INPP5E: variants seen among roughly 807,000 people sequenced by gnomAD.
INPP5E encodes the protein inositol polyphosphate-5-phosphatase E, also known as phosphatidylinositol polyphosphate 5-phosphatase type IV.
Under a neutral mutation model 50.5 loss-of-function variants are expected in INPP5E, and 34 were observed. The ratio of observed to expected loss-of-function variants is 0.67; its 90% CI spans 0.51 to 0.90. The LOEUF (loss-of-function observed/expected upper bound fraction) is 0.90, where lower values mean the gene tolerates loss of function less well. Ranked by LOEUF, INPP5E falls within the 40% of genes least tolerant of loss-of-function variation. INPP5E has a pLI of 0.00. For synonymous variants in INPP5E, 447 were observed against 406.0 expected (o/e 1.10, Z -1.21); for missense variants, 942 against 905.5 (o/e 1.04, Z -0.52).
chr9:136,429,504 C>A lies in INPP5E; in HGVS notation c.*171G>T. 2 of 862,700 alleles carry A rather than the reference C, an allele frequency of 2.3e-6. No individual in the cohort carries two copies. Among genetic ancestry groups the A allele is most frequent in the Non-Finnish European group, 3.9e-6 (2 of 516,796 alleles). 53.4% of individuals were successfully genotyped at this position (862,700 alleles called of 1,614,324 possible). A position where few individuals can be genotyped will look rare whatever the true frequency, so the allele number is the denominator to read the frequency against. On this transcript the variant is annotated 3_prime_UTR_variant, in exon 10 of 10. Transcript: ENST00000371712. ...CCACCCACACCGTGTGGACCTGCCA[C>A]AGAGGACAGGCTCGCTCAGGGTTGG...
intron 8 of INPP5E, 27 bp from the exon 9 acceptor site, chr9:136,430,440 G>A (rs1357414730): frequency 1.3e-6 from 2 of 1,552,750 alleles, no homozygotes; most frequent in South Asian, 1.2e-5. Context: ...GAGGCAGGAG[G>A]TCCAGTTACT....
chr9:136,432,332 G>A (rs977590127), intron 6 of INPP5E, 147 bp downstream of exon 6: 11 of 699,926 alleles, frequency 1.6e-5, no homozygotes, highest in African/African-American at 1.0e-4. Flanking sequence ...AAAGAACCGC[G>A]AGGGGCCATG....
chr9:136,434,089 C>T lies in INPP5E; in HGVS notation c.982G>A (p.Asp328Asn), dbSNP rs201857820. Residue 328 changes from aspartate (D) to asparagine (N), a missense_variant, in exon 3 of 10, where the codon GAC becomes AAC. Transcript: ENST00000371712. Reference protein sequence around the residue: ...LDEFLLPAEADYAQDLYVIGV... With the variant: ...LDEFLLPAEANYAQDLYVIGV... ...ATGACATACAGGTCCTGGGCATAGT[C>T]GGCCTCGGCTGGGAGCAGGAACTCG... 2.1e-5 allele frequency: 34 copies of T among 1,611,100 alleles called. No individual in the cohort carries two copies. The highest frequency in any genetic ancestry group is 4.5e-5 in the East Asian group (2 of 44,858).
In INPP5E at chr9:136,431,014, C is replaced by T. The variant is rs1474030166; in HGVS notation, c.1653G>A (p.Thr551=). 6 of 1,610,526 alleles carry T rather than the reference C, an allele frequency of 3.7e-6. No homozygotes were observed. Among genetic ancestry groups the T allele is most frequent in the Admixed American group, 1.7e-5 (1 of 59,954 alleles). Residue 551 remains threonine, a synonymous_variant, in exon 8 of 10, where the codon ACG becomes ACA. Transcript: ENST00000371712. ...DTYDSTSKQR[T]PSYTDRVLYR... ...GGGCAGGCCTCACCGTGTATGAGGG[C>T]GTCCTCTGCTTGGAGGTGCTGTCGT...
In INPP5E at chr9:136,439,143, T is replaced by C; in HGVS notation, c.277A>G (p.Arg93Gly). 6.3e-7 allele frequency: 1 copy of C among 1,580,936 alleles called. No individual in the cohort carries two copies. Among genetic ancestry groups the C allele is most frequent in the Non-Finnish European group, 8.6e-7 (1 of 1,167,938 alleles). ...ALSLDDKGWR[R>G]RRFRGSQEDL... ...TCCTGGCTGCCTCGAAAACGCCTCC[T>C]CCTCCAGCCCTTGTCGTCCAGGGAC... Residue 93 changes from arginine (R) to glycine (G), a missense_variant, in exon 1 of 10, where the codon AGG becomes GGG. Arg to Gly is a moderately radical substitution (Grantham distance 125, BLOSUM62 -2). Coordinates refer to ENST00000371712, the MANE Select transcript of INPP5E (RefSeq NM_019892.6).
At chr9:136,436,909 G>A (rs1037261432) in intron 1 of INPP5E, 3 of 152,368 alleles carry the variant, frequency 2.0e-5, no homozygotes, top group Middle Eastern at 3.4e-3. Context: ...GTCAACCCTC[G>A]TTTCCTGGTT....
At chr9:136,434,221 C>T in intron 2 of INPP5E, 87 bp from the exon 3 acceptor site, 1 of 890,544 alleles carries the variant, frequency 1.1e-6, no homozygotes, top group East Asian at 2.6e-5. Context: ...CCTTGAGTAC[C>T]AGCGACTCCT....
intron 4 of INPP5E, 26 bp downstream of exon 4, chr9:136,433,129 G>C (rs140797474): frequency 6.2e-7 from 1 of 1,608,606 alleles, no homozygotes; most frequent in Non-Finnish European, 8.5e-7. Flanking sequence ...CCTTCCAGCC[G>C]CGCCCACCCC....
chr9:136,439,273 C>A lies in INPP5E; in HGVS notation c.147G>T (p.Ala49=). Residue 49 remains alanine (A), a synonymous_variant, in exon 1 of 10, where the codon GCG becomes GCT. Transcript: ENST00000371712. ...PPDAPGSESP[A]LACSTPATPS... is the part of the protein sequence containing the mutation. The stretch of plus-strand genomic sequence containing the variant: ...GCGTGGCCGGAGTGCTGCAGGCAAG[C>A]GCGGGGCTCTCGGAGCCCGGAGCAT... The A allele has an allele frequency of 6.8e-7, 1 of 1,463,688 alleles. No individual in the cohort carries two copies. The highest frequency in any genetic ancestry group is 2.7e-5 in the East Asian group (1 of 37,438). 90.7% of individuals were successfully genotyped at this position (1,463,688 alleles called of 1,614,324 possible). A position where few individuals can be genotyped will look rare whatever the true frequency, so the allele number is the denominator to read the frequency against.
intron 1 of INPP5E, chr9:136,436,730 G>C (rs1170033571): frequency 6.6e-6 from 1 of 152,290 alleles, no homozygotes; most frequent in African/African-American, 2.4e-5. Context: ...AAAAGAGCGA[G>C]GTTCCAATGT....
At chr9:136,437,203 C>G (rs1835849769) in intron 1 of INPP5E, 1 of 152,246 alleles carries the variant, frequency 6.6e-6, no homozygotes, top group South Asian at 2.1e-4. Context: ...TGCTGGTGCA[C>G]CACAGACGCG....
Position 136,434,786 on chromosome 9 carries a change from C to T in INPP5E, c.890G>A (p.Arg297Gln), listed in dbSNP as rs1047244794. Residue 297 changes from arginine to glutamine, a missense_variant, in exon 2 of 10, where the codon CGG (arginine) becomes CAG (glutamine). Transcript: ENST00000371712. ...ADELARYFPD[R>Q]NVALFVATWN... ...GGTGGCCACGAAGAGTGCCACGTTC[C>T]GGTCTGGGAAGTAGCGGGCCAGCTC... The T allele has an allele frequency of 9.9e-6, 16 of 1,611,952 alleles. No individual in the cohort carries two copies. The East Asian group carries it at 1.3e-4, about 13-fold the overall frequency.
Position 136,432,536 on chromosome 9 carries a change from G to C in INPP5E, c.1330C>G (p.Gln444Glu). The change falls in exon 6 of 10, where the codon CAA (glutamine) becomes GAA (glutamate). Residue 444 changes from glutamine (Q) to glutamate (E), a missense_variant. Coordinates refer to ENST00000371712, the MANE Select transcript of INPP5E (RefSeq NM_019892.6). ...ACATTTCTGGGCAGGACCAGGGCTT[G>C]TACAGTCCTGGTGTAGTCCAGCAGC... ...ERLLDYTRTV[Q>E]ALVLPRNVPD... The C allele has an allele frequency of 3.2e-6, 5 of 1,551,268 alleles. No individual in the cohort carries two copies. The highest frequency in any genetic ancestry group is 1.2e-5 in the South Asian group (1 of 84,140).
chr9:136,432,695 A>G (rs1003526349), intron 5 of INPP5E, 109 bp from the exon 6 acceptor site: 7 of 918,602 alleles, frequency 7.6e-6, no homozygotes, highest in Non-Finnish European at 1.2e-5. Flanking sequence ...GGCAGACGCA[A>G]CCCCACCGGG....
rs1394602934 is a variant in INPP5E at position 136,438,955 on chromosome 9, G to A, written c.465C>T (p.Ser155=). 4 of 1,571,346 alleles carry A rather than the reference G, an allele frequency of 2.5e-6. No individual in the cohort carries two copies. In the African/African-American group the frequency reaches 4.0e-5, roughly 16 times the overall value. ...GVLSSERGSP[S]SGGNPLSGVA... is the part of the protein sequence containing the mutation. Reference sequence around the variant, plus strand: ...CCCCAGAGAGAGGGTTACCCCCCGAGGACGGGCTCCCTCTCTCACTGCTCA... The same window carrying A: ...CCCCAGAGAGAGGGTTACCCCCCGAAGACGGGCTCCCTCTCTCACTGCTCA... Residue 155 remains serine, a synonymous_variant, in exon 1 of 10, where the codon TCC becomes TCT. Coordinates refer to ENST00000371712, the MANE Select transcript of INPP5E (RefSeq NM_019892.6).
rs981459696 is a variant in INPP5E, at chr9:136,439,800, C to T, written c.-381G>A. 3 of 163,304 alleles carry T rather than the reference C, an allele frequency of 1.8e-5. No individual in the cohort carries two copies. The highest frequency in any genetic ancestry group is 3.9e-5 in the Non-Finnish European group (3 of 76,208). 10.1% of individuals were successfully genotyped at this position (163,304 alleles called of 1,614,324 possible). A position where few individuals can be genotyped will look rare whatever the true frequency, so the allele number is the denominator to read the frequency against. On this transcript the variant is annotated 5_prime_UTR_variant, in exon 1 of 10. Transcript: ENST00000371712. ...CCCGGTACTCGCGGAGGCCCGGCCGCCCAGAAGCGGAGTCAGCCCGGCCGG... is the reference window on the plus strand; with the variant it reads ...CCCGGTACTCGCGGAGGCCCGGCCGTCCAGAAGCGGAGTCAGCCCGGCCGG...
intron 2 of INPP5E, 38 bp downstream of exon 2, chr9:136,434,702 C>T (rs1162270297): frequency 1.3e-6 from 2 of 1,581,738 alleles, no homozygotes; most frequent in Non-Finnish European, 1.7e-6. Flanking sequence ...CAGCACCACC[C>T]CACCCTTCCC....
rs770456201 is a variant in INPP5E at position 136,433,176 on chromosome 9, C to T, written c.1138G>A (p.Asp380Asn). ...CCACCTGAGCAGAACCAGATGAGGT[C>T]CCTGCGGATGAAGAGCGACATGTAG... is the stretch of plus-strand genomic sequence containing the variant. ...VLYMSLFIRR[D>N]LIWFCSEVEC... Residue 380 changes from aspartate to asparagine, a missense_variant, in exon 4 of 10, where the codon GAC becomes AAC. Transcript: ENST00000371712. The T allele has an allele frequency of 3.1e-6, 4 of 1,277,456 alleles. No homozygotes were observed. The highest frequency in any genetic ancestry group is 3.3e-6 in the Non-Finnish European group (3 of 917,732). 79.1% of individuals were successfully genotyped at this position (1,277,456 alleles called of 1,614,324 possible).
chr9:136,439,250 G>C lies in INPP5E; in HGVS notation c.170C>G (p.Thr57Arg). ...GGCTGGCGGGTCCTCGCCGCTGGGCGTGGCCGGAGTGCTGCAGGCAAGCGC... is the reference window on the plus strand; with the variant it reads ...GGCTGGCGGGTCCTCGCCGCTGGGCCTGGCCGGAGTGCTGCAGGCAAGCGC... The part of the protein sequence containing the change: ...SPALACSTPA[T>R]PSGEDPPARA... Residue 57 changes from threonine to arginine, a missense_variant, in exon 1 of 10, where the codon ACG (threonine) becomes AGG (arginine). Physicochemically the swap from Thr to Arg is moderately conservative, Grantham distance 71. Coordinates refer to ENST00000371712, the MANE Select transcript of INPP5E (RefSeq NM_019892.6). 4.6e-6 allele frequency: 7 copies of C among 1,512,284 alleles called. No homozygotes were observed. The highest frequency in any genetic ancestry group is 6.2e-6 in the Non-Finnish European group (7 of 1,136,114). The allele number at this position is 1,512,284 out of a possible 1,614,324, so 93.7% of individuals were successfully genotyped here. A position where few individuals can be genotyped will look rare whatever the true frequency, so the allele number is the denominator to read the frequency against.
Sources: allele counts gnomAD v4.1 joint callset, GRCh38; gene constraint gnomAD v4.1.1; transcripts MANE v1.5; gene names NCBI Gene and HGNC (gene_info 2026-07-23, HGNC 2026-07-21).